The following ANO10 variants were observed in gnomAD, a reference collection of about 807,000 sequenced individuals.
ANO10 encodes anoctamin 10.
A neutral mutation model predicts 74.7 loss-of-function variants in ANO10; 77 were observed. That is an observed-to-expected ratio of 1.03 (90% CI 0.86 to 1.25). The LOEUF (loss-of-function observed/expected upper bound fraction) is 1.25, where lower values mean the gene tolerates loss of function less well. Ranked by LOEUF, ANO10 falls within the 50% of genes most tolerant of loss-of-function variation. The pLI is 0.00. For missense variants in ANO10, 721 were observed against 778.1 expected (o/e 0.93, Z 0.87); for synonymous variants, 279 against 284.9 (o/e 0.98, Z 0.21).
intron 12 of ANO10, among the ~76,000 whole-genome samples, chr3:43,374,485 T>A (rs2091729114): frequency 6.6e-6 from 1 of 152,232 alleles, no homozygotes; most frequent in South Asian, 2.1e-4. Flanking sequence ...CCAGGCCGTC[T>A]GGCTCCAGAG....
intron 11 of ANO10, chr3:43,472,499 T>G (rs531704576): frequency 6.6e-6 from 1 of 152,146 alleles, no homozygotes; most frequent in East Asian, 1.9e-4. Context: ...GTTATCACAG[T>G]GAGTTATCTC....
At chr3:43,511,383 C>G (rs914942522) in intron 11 of ANO10, among the ~76,000 whole-genome samples, 2 of 152,164 alleles carry the variant, frequency 1.3e-5, no homozygotes, top group East Asian at 3.8e-4. Context: ...TAGCTCTAGG[C>G]TGACATTTCC....
chr3:43,516,910 T>C (rs2077736027), intron 11 of ANO10, among the ~76,000 whole-genome samples: 1 of 152,184 alleles, frequency 6.6e-6, no homozygotes, highest in South Asian at 2.1e-4. Flanking sequence ...GTGACATGCC[T>C]TCTTCTGAAT....
chr3:43,649,552 G>T (rs2083764021), intron 1 of ANO10, among the ~76,000 whole-genome samples: 1 of 152,132 alleles, frequency 6.6e-6, no homozygotes, highest in Admixed American at 6.6e-5. Flanking sequence ...CCCTCCCTTG[G>T]CCACCTAACA....
At chr3:43,481,959 G>C (rs1027837210) in intron 11 of ANO10, among the ~76,000 whole-genome samples, 12 of 116,012 alleles carry the variant, frequency 1.0e-4, no homozygotes, top group Non-Finnish European at 1.5e-4. Context: ...ACAGAGTCTT[G>C]CTCTTGTCAC....
chr3:43,426,172 T>C (rs1466909970), intron 12 of ANO10, among the ~76,000 whole-genome samples: 4 of 152,186 alleles, frequency 2.6e-5, no homozygotes, highest in African/African-American at 9.7e-5. Context: ...TATGTCTTTC[T>C]CTGTAACTTC....
chr3:43,591,650 C>T (rs1169724278), intron 4 of ANO10, among the ~76,000 whole-genome samples: 1 of 152,202 alleles, frequency 6.6e-6, no homozygotes, highest in Non-Finnish European at 1.5e-5. Context: ...GGAAAAGCTC[C>T]AGTCTACAGC....
chr3:43,680,528 A>G (rs1366737162), intron 1 of ANO10, among the ~76,000 whole-genome samples: 1 of 152,244 alleles, frequency 6.6e-6, no homozygotes, highest in Admixed American at 6.5e-5. Flanking sequence ...ATCCAGGAGA[A>G]CTTCCCCAGT....
At chr3:43,496,175 T>A (rs2076906619) in intron 11 of ANO10, among the ~76,000 whole-genome samples, 1 of 152,078 alleles carries the variant, frequency 6.6e-6, no homozygotes, top group Non-Finnish European at 1.5e-5. Flanking sequence ...TGAAAAAGGG[T>A]ATGTGTATAG....
At chr3:43,562,411 C>A (rs986432359) in intron 8 of ANO10, among the ~76,000 whole-genome samples, 2 of 138,712 alleles carry the variant, frequency 1.4e-5, no homozygotes, top group Non-Finnish European at 3.0e-5. Flanking sequence ...AAGATCGCGC[C>A]ACTGCACTCC....
intron 12 of ANO10, among the ~76,000 whole-genome samples, chr3:43,371,483 C>A (rs1189632261): frequency 1.3e-5 from 2 of 152,192 alleles, no homozygotes; most frequent in East Asian, 3.8e-4. Context: ...TGATTTAATG[C>A]ACCTAAGTGT....
chr3:43,374,439 T>C (rs1455431106), intron 12 of ANO10, among the ~76,000 whole-genome samples: 1 of 152,098 alleles, frequency 6.6e-6, no homozygotes, highest in African/African-American at 2.4e-5. Context: ...CACATAAAGG[T>C]TGAGAAACTT....
At chr3:43,500,554 C>G (rs2077063794) in intron 11 of ANO10, among the ~76,000 whole-genome samples, 1 of 152,176 alleles carries the variant, frequency 6.6e-6, no homozygotes, top group Non-Finnish European at 1.5e-5. Flanking sequence ...AAAATACATT[C>G]AATTTCAGAG....
At chr3:43,676,736 C>T (rs552445399) in intron 1 of ANO10, among the ~76,000 whole-genome samples, 76 of 151,998 alleles carry the variant, frequency 5.0e-4, no homozygotes, top group Non-Finnish European at 9.1e-4. Context: ...TGGGAGCTCT[C>T]TGTATTATTC....
intron 11 of ANO10, among the ~76,000 whole-genome samples, chr3:43,548,543 G>A (rs186550594): frequency 9.3e-4 from 142 of 152,090 alleles, no homozygotes; most frequent in Middle Eastern, 3.4e-3. Flanking sequence ...AATACAATAA[G>A]AGCCAAAAAG....
At chr3:43,415,663 T>G (rs1177312866) in intron 12 of ANO10, among the ~76,000 whole-genome samples, 1 of 152,088 alleles carries the variant, frequency 6.6e-6, no homozygotes, top group Non-Finnish European at 1.5e-5. Flanking sequence ...TGCCTCAGCC[T>G]CCCAAGTAGC....
At chr3:43,594,496 T>C (rs543432558) in intron 4 of ANO10, among the ~76,000 whole-genome samples, 76 of 152,304 alleles carry the variant, frequency 5.0e-4, no homozygotes, top group African/African-American at 1.7e-3. Context: ...CTGAACAACC[T>C]GCTCCTGAAT....
upstream of ANO10, among the ~76,000 whole-genome samples, chr3:43,623,359 A>G (rs1195464905): frequency 6.6e-6 from 1 of 152,196 alleles, no homozygotes; most frequent in Non-Finnish European, 1.5e-5. Flanking sequence ...ATGAAACTTT[A>G]TCATAGTATG....
At chr3:43,691,231 T>G in intron 1 of ANO10, 1 of 471,042 alleles carries the variant, frequency 2.1e-6, no homozygotes, top group Non-Finnish European at 3.4e-6. Context: ...TGGGAGAGGC[T>G]CCCCTCAGCG....
Sources: allele counts gnomAD v4.1 joint callset (sites outside exome capture counted in the v4.1 genomes callset), GRCh38; gene constraint gnomAD v4.1.1; transcripts MANE v1.5; gene names NCBI Gene and HGNC (gene_info 2026-07-23, HGNC 2026-07-21).